The following CRYBG1 variants were observed in gnomAD, a reference collection of about 807,000 sequenced individuals.
The protein encoded by CRYBG1 is beta/gamma crystallin domain-containing protein 1.
A neutral mutation model predicts 189.2 loss-of-function variants in CRYBG1; 139 were observed. The observed-to-expected ratio is 0.73, with a 90% CI of 0.64 to 0.85. The LOEUF (loss-of-function observed/expected upper bound fraction) is 0.85. Among genes scored for constraint, CRYBG1 ranks in the 40% least tolerant of loss-of-function variants. The pLI, the probability that CRYBG1 is intolerant of heterozygous loss-of-function variation, is 0.00. For synonymous variants in CRYBG1, 1,023 were observed against 1,017.1 expected (o/e 1.01, Z -0.11); for missense variants, 2,611 against 2,675.8 (o/e 0.98, Z 0.53).
chr6:106,525,000 C>T lies in CRYBG1; in HGVS notation c.4246-133C>T. 4.8e-6 allele frequency: 4 copies of T among 830,156 alleles called. No individual in the cohort carries two copies. In the South Asian group the frequency reaches 4.9e-5, roughly 10 times the overall value. The allele number at this position is 830,156 out of a possible 1,614,324, so 51.4% of individuals were successfully genotyped here. ...AAGAGTTTTAATACAACTTTAGCAT[C>T]CATTAGAGTGGAGGTTTCAAAATCG... is the stretch of plus-strand genomic sequence containing the variant. On this transcript the variant is annotated intron_variant, in intron 4 of 21. Transcript: ENST00000633556.
chr6:106,499,562 T>C (rs1772955538), intron 2 of CRYBG1, among the ~76,000 whole-genome samples: 1 of 152,108 alleles, frequency 6.6e-6, no homozygotes, highest in Admixed American at 6.5e-5. Context: ...GATGTATACA[T>C]TGTTGTATAC....
intron 2 of CRYBG1, among the ~76,000 whole-genome samples, chr6:106,490,576 T>C (rs1772698122): frequency 1.3e-5 from 2 of 152,210 alleles, no homozygotes; most frequent in South Asian, 2.1e-4. Context: ...TATGTTTATA[T>C]GAATTTTTTT....
chr6:106,391,129 G>A (rs6922728), intron 1 of CRYBG1, among the ~76,000 whole-genome samples: 30,759 of 151,998 alleles, frequency 0.2, 3,204 homozygotes, highest in Middle Eastern at 0.28. Flanking sequence ...GTGCACTGGC[G>A]TGATCTCGGC....
At chr6:106,430,930 C>T (rs1240881776) in intron 1 of CRYBG1, among the ~76,000 whole-genome samples, 8 of 152,174 alleles carry the variant, frequency 5.3e-5, no homozygotes, top group South Asian at 2.1e-4. Context: ...GGCGTGATCT[C>T]GGCTCACTGC....
At chr6:106,434,245 A>T (rs182514089) in intron 1 of CRYBG1, among the ~76,000 whole-genome samples, 30 of 152,250 alleles carry the variant, frequency 2.0e-4, no homozygotes, top group Non-Finnish European at 4.0e-4. Flanking sequence ...CTAGTCTTGG[A>T]AGTGAGGTAT....
At position 106,560,916 on chromosome 6, in the gene CRYBG1, C is replaced by T; in HGVS notation, c.5969C>T (p.Pro1990Leu). 1 of 1,604,424 alleles carries T rather than the reference C, an allele frequency of 6.2e-7. No homozygotes were observed. Among genetic ancestry groups the T allele is most frequent in the East Asian group, 2.2e-5 (1 of 44,572 alleles). The change falls in exon 19 of 22, where the codon CCT (proline) becomes CTT (leucine). Residue 1990 changes from proline to leucine, a missense_variant. Coordinates refer to ENST00000633556, the MANE Select transcript of CRYBG1 (RefSeq NM_001371242.2). ...SGCRQIGSLR[P>L]FVQKRIYFRL... is the part of the protein sequence containing the mutation. The stretch of plus-strand genomic sequence containing the variant: ...TGTCGCCAAATAGGTTCTCTACGAC[C>T]TTTTGTTCAGGTATTTTCTTCCTCT...
chr6:106,424,159 T>C (rs917596457), intron 1 of CRYBG1, among the ~76,000 whole-genome samples: 1 of 152,196 alleles, frequency 6.6e-6, no homozygotes, highest in African/African-American at 2.4e-5. Context: ...CTATACATAA[T>C]AATTGGTTTA....
At chr6:106,566,493 A>G (rs1235043187) in intron 21 of CRYBG1, among the ~76,000 whole-genome samples, 39 of 57,310 alleles carry the variant, frequency 6.8e-4, no homozygotes, top group African/African-American at 3.5e-3. Context: ...TTTTTTTGAG[A>G]CGGAGTCTCA....
At position 106,558,488 on chromosome 6, in the gene CRYBG1, A is replaced by C; in HGVS notation, c.5718A>C (p.Glu1906Asp). Residue 1906 changes from glutamate to aspartate, a missense_variant and splice_region_variant, in exon 18 of 22, where the codon GAA (glutamate) becomes GAC (aspartate). By Grantham distance (45) the Glu-to-Asp change is conservative (BLOSUM62 2). Coordinates refer to ENST00000633556, the MANE Select transcript of CRYBG1 (RefSeq NM_001371242.2). ...TFKSLRFIDV[E>D]FSEPTIILFE... ...ACATTGTTTTTGTTCCTCAACAGGA[A>C]TTTTCTGAACCAACAATTATTCTCT... 1 of 1,587,160 alleles carries C rather than the reference A, an allele frequency of 6.3e-7. No homozygotes were observed. The highest frequency in any genetic ancestry group is 8.6e-7 in the Non-Finnish European group (1 of 1,164,164).
chr6:106,400,357 CTTGAG>C (rs1770699580), intron 1 of CRYBG1, among the ~76,000 whole-genome samples: 1 of 152,194 alleles, frequency 6.6e-6, no homozygotes, highest in Non-Finnish European at 1.5e-5. Context: ...TCAAATCTTA[CTTGAG>C]ACAATGCCCT....
chr6:106,378,992 C>T (rs995281440), intron 1 of CRYBG1, among the ~76,000 whole-genome samples: 6 of 151,968 alleles, frequency 3.9e-5, no homozygotes, highest in Admixed American at 2.0e-4. Context: ...ACTAAAAATA[C>T]AAAAAATAGC....
At chr6:106,401,875 A>C (rs1770727304) in intron 1 of CRYBG1, among the ~76,000 whole-genome samples, 1 of 151,340 alleles carries the variant, frequency 6.6e-6, no homozygotes, top group Non-Finnish European at 1.5e-5. Flanking sequence ...ATACGTGTGC[A>C]TGTGTCTTTA....
At chr6:106,486,910 G>A (rs1401945971) in intron 2 of CRYBG1, among the ~76,000 whole-genome samples, 1 of 152,018 alleles carries the variant, frequency 6.6e-6, no homozygotes, top group African/African-American at 2.4e-5. Flanking sequence ...TACATTCAAG[G>A]TTGTTATTGA....
chr6:106,465,411 G>A (rs962408171), intron 2 of CRYBG1, among the ~76,000 whole-genome samples: 1 of 152,170 alleles, frequency 6.6e-6, no homozygotes, highest in Non-Finnish European at 1.5e-5. Flanking sequence ...AATGGGAATT[G>A]GATTAGATAG....
chr6:106,394,356 A>G (rs1241072203), intron 1 of CRYBG1, among the ~76,000 whole-genome samples: 1 of 152,176 alleles, frequency 6.6e-6, no homozygotes, highest in East Asian at 1.9e-4. Flanking sequence ...GACCCATTCA[A>G]TGTCTAATTA....
chr6:106,432,734 G>A (rs1174981313), intron 1 of CRYBG1, among the ~76,000 whole-genome samples: 4 of 152,002 alleles, frequency 2.6e-5, no homozygotes, highest in Admixed American at 6.6e-5. Flanking sequence ...CCCTTGATTT[G>A]GCCTTTGAGG....
chr6:106,446,157 G>T (rs1771659467), intron 1 of CRYBG1, among the ~76,000 whole-genome samples: 1 of 152,220 alleles, frequency 6.6e-6, no homozygotes, highest in Admixed American at 6.5e-5. Flanking sequence ...CTAATACAGG[G>T]TCTAATGTTA....
intron 2 of CRYBG1, among the ~76,000 whole-genome samples, chr6:106,454,147 C>T (rs964478894): frequency 6.6e-6 from 1 of 152,170 alleles, no homozygotes; most frequent in African/African-American, 2.4e-5. Context: ...TCTCCATCAT[C>T]CCTTCTCCCC....
chr6:106,375,421 G>GTAAGTAAGTAAGTAAA (rs1369650803), intron 1 of CRYBG1, among the ~76,000 whole-genome samples: 1 of 125,322 alleles, frequency 8.0e-6, no homozygotes, highest in African/African-American at 3.9e-5. Flanking sequence ...AAGTAAGTAA[G>GTAAGTAAGTAAGTAAA]TAAATAAATA....
Sources: gnomAD v4.1 joint callset for allele counts (sites outside exome capture counted in the v4.1 genomes callset) on GRCh38, gnomAD v4.1.1 for gene constraint, MANE v1.5 for transcripts, NCBI Gene and HGNC (gene_info 2026-07-23, HGNC 2026-07-21) for gene names.